ZNF407: variants seen among roughly 807,000 people sequenced by gnomAD.
The protein encoded by ZNF407 is zinc finger protein 407.
In ZNF407, 17 loss-of-function variants were observed where a neutral mutation model predicts 131.2. The ratio of observed to expected loss-of-function variants is 0.13; its 90% CI spans 0.09 to 0.19. ZNF407 has a LOEUF of 0.19. Ranked by LOEUF, ZNF407 falls within the 10% of genes least tolerant of loss-of-function variation. The pLI, the probability that ZNF407 is intolerant of heterozygous loss-of-function variation, is 1.00. For synonymous variants in ZNF407, 1,156 were observed against 1,062.0 expected, an observed-to-expected ratio of 1.09 and a Z score of -1.72; for missense variants, 2,681 against 2,830.6, an observed-to-expected ratio of 0.95 and a Z score of 1.20.
At chr18:74,715,099 A>T (rs1258179653) in intron 3 of ZNF407, among the ~76,000 whole-genome samples, 1 of 152,110 alleles carries the variant, frequency 6.6e-6, no homozygotes, top group Non-Finnish European at 1.5e-5. Flanking sequence ...GTCATCTTCC[A>T]CGTCCCGCTG....
chr18:74,990,853 A>G (rs901172708), intron 8 of ZNF407, among the ~76,000 whole-genome samples: 1 of 152,174 alleles, frequency 6.6e-6, no homozygotes, highest in Admixed American at 6.6e-5. Context: ...TGTGTATTTT[A>G]CTAAAGAATG....
chr18:75,055,518 A>G (rs1973551917), intron 8 of ZNF407, among the ~76,000 whole-genome samples: 1 of 152,228 alleles, frequency 6.6e-6, no homozygotes, highest in African/African-American at 2.4e-5. Context: ...ATGCATGAAA[A>G]TGATAATATA....
At chr18:74,976,160 T>C (rs917021365) in intron 8 of ZNF407, among the ~76,000 whole-genome samples, 1 of 152,218 alleles carries the variant, frequency 6.6e-6, no homozygotes, top group Non-Finnish European at 1.5e-5. Context: ...CCATATTGGT[T>C]GACCCCAAAT....
intron 3 of ZNF407, among the ~76,000 whole-genome samples, chr18:74,702,536 G>A (rs9675989): frequency 0.69 from 104,516 of 151,826 alleles, 36,941 homozygotes; most frequent in East Asian, 0.85. Flanking sequence ...AGTAGAAAAA[G>A]ACTGTAAGGC....
intron 1 of ZNF407, among the ~76,000 whole-genome samples, chr18:74,620,046 A>G (rs1272908539): frequency 1.3e-5 from 2 of 151,922 alleles, no homozygotes; most frequent in African/African-American, 2.4e-5. Flanking sequence ...AACCCAGACA[A>G]TTAGATGGAA....
chr18:74,843,294 A>G (rs1450347973), intron 4 of ZNF407, among the ~76,000 whole-genome samples: 1 of 152,204 alleles, frequency 6.6e-6, no homozygotes, highest in Non-Finnish European at 1.5e-5. Context: ...AAACATATGT[A>G]AGTTCTAAAC....
chr18:74,643,891 G>T (rs1004398356), intron 3 of ZNF407, among the ~76,000 whole-genome samples: 1 of 151,946 alleles, frequency 6.6e-6, no homozygotes, highest in African/African-American at 2.4e-5. Context: ...TCAGTTTTAA[G>T]ATACCATTAC....
At position 75,048,761 on chromosome 18, in the gene ZNF407, T is replaced by C. The variant is rs920506520; in HGVS notation, c.5429-14389T>C. Among the ~76,000 whole-genome samples the C allele has an allele frequency of 2.0e-5, 3 of 152,226 alleles. No homozygotes were observed. The highest frequency in any genetic ancestry group is 1.3e-4 in the Admixed American group (2 of 15,284). Reference sequence around the variant, plus strand: ...TGACAAGATATGAGGGCCTGCTATTTGCAAGCATATATTTGCAAATAACAT... The same window carrying C: ...TGACAAGATATGAGGGCCTGCTATTCGCAAGCATATATTTGCAAATAACAT... On this transcript the variant is annotated intron_variant, in intron 8 of 8. Coordinates refer to ENST00000299687, the MANE Select transcript of ZNF407 (RefSeq NM_017757.3). The surrounding 1 kb of genome is among the most constrained non-coding windows in gnomAD (Gnocchi z 4.1).
chr18:74,947,416 A>G (rs943387361), intron 8 of ZNF407, among the ~76,000 whole-genome samples: 2 of 152,174 alleles, frequency 1.3e-5, no homozygotes, highest in Non-Finnish European at 2.9e-5. Context: ...ATTTCAAAGT[A>G]TCATTTTTGG....
intron 4 of ZNF407, among the ~76,000 whole-genome samples, chr18:74,800,298 G>T (rs1274853381): frequency 1.3e-5 from 2 of 151,924 alleles, no homozygotes; most frequent in Non-Finnish European, 2.9e-5. Flanking sequence ...TGCTAATTTT[G>T]TGCATTCCCC....
intron 8 of ZNF407, among the ~76,000 whole-genome samples, chr18:74,997,640 G>T (rs1972794755): frequency 1.3e-5 from 2 of 152,144 alleles, no homozygotes; most frequent in Non-Finnish European, 2.9e-5. Context: ...ACTTTGGAAT[G>T]TTGGGGACAG....
At chr18:74,705,916 C>T (rs929301571) in intron 3 of ZNF407, among the ~76,000 whole-genome samples, 1 of 152,164 alleles carries the variant, frequency 6.6e-6, no homozygotes, top group East Asian at 1.9e-4. Flanking sequence ...TCTATTTGCA[C>T]TGAATTGTCT....
intron 8 of ZNF407, among the ~76,000 whole-genome samples, chr18:74,943,204 C>T (rs1972119637): frequency 6.6e-6 from 1 of 152,200 alleles, no homozygotes; most frequent in South Asian, 2.1e-4. Context: ...GTGTGAGCCA[C>T]CATGCCCAGC....
intron 3 of ZNF407, among the ~76,000 whole-genome samples, chr18:74,699,487 G>A: frequency 6.6e-6 from 1 of 152,188 alleles, no homozygotes; most frequent in Non-Finnish European, 1.5e-5. Flanking sequence ...GTGTCTAAGG[G>A]ATTTTAGACA....
intron 3 of ZNF407, among the ~76,000 whole-genome samples, chr18:74,750,860 T>C (rs1051946909): frequency 2.0e-5 from 3 of 152,218 alleles, no homozygotes; most frequent in African/African-American, 7.2e-5. Context: ...GTTTGTCTTT[T>C]TGATTATAGC....
Position 74,634,392 on chromosome 18 carries a change from G to T in ZNF407, c.3373G>T (p.Ala1125Ser). The T allele has an allele frequency of 6.2e-7, 1 of 1,613,662 alleles. No homozygotes were observed. The highest frequency in any genetic ancestry group is 1.1e-5 in the South Asian group (1 of 91,070). ...TGATACTCTTAAATCTAGAAATGCT[G>T]CAGATTGCTCTATTTTAAATGAGAA... is the stretch of plus-strand genomic sequence containing the variant. ...PSDTLKSRNA[A>S]DCSILNENTN... The change falls in exon 2 of 9, where the codon GCA becomes TCA. Residue 1125 changes from alanine to serine, a missense_variant. By Grantham distance (99) the Ala-to-Ser change is moderately conservative (BLOSUM62 1). Around this residue, in one of 6 missense-constraint regions of ZNF407, gnomAD observed 1,789 missense variants for 1,748.7 expected, o/e 1.02. Transcript: ENST00000299687.
At chr18:74,835,077 C>G (rs2145123288) in intron 4 of ZNF407, among the ~76,000 whole-genome samples, 1 of 152,290 alleles carries the variant, frequency 6.6e-6, no homozygotes, top group African/African-American at 2.4e-5. Context: ...CCTAGGAAAG[C>G]TGTCATTCCA....
At chr18:74,701,517 C>T (rs1967494758) in intron 3 of ZNF407, among the ~76,000 whole-genome samples, 1 of 152,104 alleles carries the variant, frequency 6.6e-6, no homozygotes, top group Non-Finnish European at 1.5e-5. Flanking sequence ...TCATAAGGCA[C>T]CTGGGATCAA....
intron 8 of ZNF407, among the ~76,000 whole-genome samples, chr18:74,969,715 T>C (rs1394414203): frequency 6.6e-6 from 1 of 152,202 alleles, no homozygotes; most frequent in African/African-American, 2.4e-5. Context: ...CTTCCCAGGC[T>C]AGGCTGCTTG....
Sources: allele counts gnomAD v4.1 joint callset (sites outside exome capture counted in the v4.1 genomes callset), GRCh38; gene constraint gnomAD v4.1.1; regional missense constraint gnomAD v4.1.1; non-coding constraint Gnocchi (gnomAD v3.1); transcripts MANE v1.5; gene names NCBI Gene and HGNC (gene_info 2026-07-23, HGNC 2026-07-21).